Variants in TPO observed in about 807,000 individuals in gnomAD.
TPO encodes thyroid microsomal antigen.
Under a neutral mutation model 96.9 loss-of-function variants are expected in TPO, and 78 were observed. That is an observed-to-expected ratio of 0.81 (90% CI 0.67 to 0.97). The LOEUF is 0.97. TPO is among the 50% of genes least tolerant of loss of function. TPO has a pLI of 0.00. For missense variants in TPO, 1,252 were observed against 1,274.8 expected, an observed-to-expected ratio of 0.98 and a Z score of 0.27; for synonymous variants, 547 against 538.0, an observed-to-expected ratio of 1.02 and a Z score of -0.23.
chr2:1,494,965 A>T (rs1558361199), intron 11 of TPO, among the ~76,000 whole-genome samples: 3 of 152,146 alleles, frequency 2.0e-5, no homozygotes, highest in African/African-American at 2.4e-5. Context: ...TGTCTCCCTT[A>T]TAGCTGTGTC....
At chr2:1,479,143 C>T (rs981193801) in intron 8 of TPO, among the ~76,000 whole-genome samples, 7 of 152,220 alleles carry the variant, frequency 4.6e-5, no homozygotes, top group East Asian at 1.9e-4. Flanking sequence ...AGCTGCTGAG[C>T]GGTGGAATCC....
intron 1 of TPO, among the ~76,000 whole-genome samples, chr2:1,395,006 T>C (rs1246151708): frequency 1.3e-5 from 2 of 148,954 alleles, no homozygotes; most frequent in African/African-American, 2.5e-5. Context: ...TTTATAGCTT[T>C]AGTTGAACAA....
chr2:1,542,292 G>A, intron 16 of TPO, 129 bp from the exon 17 acceptor site: 1 of 1,256,480 alleles, frequency 8.0e-7, no homozygotes, highest in Non-Finnish European at 1.1e-6. Flanking sequence ...AAGAAGGATG[G>A]CTCATCTCGC....
chr2:1,522,658 G>A (rs1675443403), intron 15 of TPO, among the ~76,000 whole-genome samples: 1 of 152,000 alleles, frequency 6.6e-6, no homozygotes, highest in Non-Finnish European at 1.5e-5. Context: ...TCTCAACCTG[G>A]CTTCGAATGT....
At chr2:1,474,559 A>G (rs1558328196) in intron 7 of TPO, among the ~76,000 whole-genome samples, 2 of 152,312 alleles carry the variant, frequency 1.3e-5, no homozygotes, top group Admixed American at 1.3e-4. Context: ...TCCACCGTCA[A>G]TGCCATCTGA....
chr2:1,410,178 T>G (rs1028671476), upstream of TPO, among the ~76,000 whole-genome samples: 46 of 152,236 alleles, frequency 3.0e-4, no homozygotes, highest in African/African-American at 1.0e-3. Context: ...TATATGTTAA[T>G]TAGCTTGATT....
At chr2:1,502,679 C>T (rs947560251) in intron 13 of TPO, among the ~76,000 whole-genome samples, 3 of 152,282 alleles carry the variant, frequency 2.0e-5, no homozygotes, top group South Asian at 2.1e-4. Context: ...CATGAGCCAC[C>T]GGACCCGACT....
At chr2:1,393,922 T>G (rs1260921694) in intron 1 of TPO, among the ~76,000 whole-genome samples, 1 of 152,264 alleles carries the variant, frequency 6.6e-6, no homozygotes, top group Non-Finnish European at 1.5e-5. Flanking sequence ...TTCAATATTT[T>G]AAGTAGACTG....
chr2:1,540,783 G>A (rs1680661617), intron 16 of TPO, 60 bp downstream of exon 16: 1 of 1,612,806 alleles, frequency 6.2e-7, no homozygotes, highest in Admixed American at 1.7e-5. Context: ...CAGGATCTGG[G>A]TGTCGGAGCA....
intron 1 of TPO, among the ~76,000 whole-genome samples, chr2:1,376,960 A>G (rs1048593716): frequency 2.8e-4 from 42 of 152,336 alleles, no homozygotes; most frequent in Admixed American, 5.2e-4. Context: ...GGCTTTACTT[A>G]AAAATTACTT....
chr2:1,514,196 G>A lies in TPO; in HGVS notation c.2519-2687G>A, dbSNP rs146666821. The stretch of plus-strand genomic sequence containing the variant: ...AGCAGAGAGTCAGGAAAAGAGAAGT[G>A]AAGCCCTTTTTCCTCCACTTCCTGC... On this transcript the variant is annotated intron_variant, in intron 14 of 16. Coordinates refer to ENST00000329066, the MANE Select transcript of TPO (RefSeq NM_001206744.2). Among the ~76,000 whole-genome samples, 664 of 152,286 alleles carry A rather than the reference G, an allele frequency of 4.4e-3. 4 individuals are homozygous for A. The highest frequency in any genetic ancestry group is 0.015 in the African/African-American group (605 of 41,556).
intron 15 of TPO, among the ~76,000 whole-genome samples, chr2:1,526,878 G>A (rs1676649126): frequency 8.2e-6 from 1 of 121,442 alleles, no homozygotes; most frequent in Non-Finnish European, 1.6e-5. Flanking sequence ...CTGCTTTGTG[G>A]GCAATGTCAC....
intron 13 of TPO, among the ~76,000 whole-genome samples, chr2:1,497,717 G>T (rs1427959529): frequency 6.6e-6 from 1 of 152,118 alleles, no homozygotes; most frequent in East Asian, 1.9e-4. Flanking sequence ...CTGCATTTTA[G>T]GAGAGGAAAG....
chr2:1,469,041 A>G (rs1669145076), intron 7 of TPO, among the ~76,000 whole-genome samples: 1 of 152,104 alleles, frequency 6.6e-6, no homozygotes, highest in Admixed American at 6.6e-5. Flanking sequence ...AGTGTGTCCA[A>G]TGTTTCCTGA....
At chr2:1,523,307 G>T (rs191601857) in intron 15 of TPO, among the ~76,000 whole-genome samples, 31 of 20,024 alleles carry the variant, frequency 1.5e-3, no homozygotes, top group Admixed American at 2.4e-3. Context: ...TCCCCCCACT[G>T]TGAGCAACCT....
intron 15 of TPO, among the ~76,000 whole-genome samples, chr2:1,530,531 A>AC (rs200370185): frequency 7.6e-5 from 3 of 39,410 alleles, no homozygotes; most frequent in Non-Finnish European, 1.3e-4. Flanking sequence ...ACTCTGTGCA[A>AC]CCCCCCCAAA....
At chr2:1,384,290 A>G (rs1417685506) in intron 1 of TPO, among the ~76,000 whole-genome samples, 1 of 152,142 alleles carries the variant, frequency 6.6e-6, no homozygotes, top group Non-Finnish European at 1.5e-5. Context: ...GAATCTATAA[A>G]TTACCTTGGG....
chr2:1,531,951 T>C (rs1467388792), intron 15 of TPO, among the ~76,000 whole-genome samples: 2 of 77,248 alleles, frequency 2.6e-5, no homozygotes, highest in Middle Eastern at 9.6e-3. Context: ...ATCCCCCCAC[T>C]GCGAGCAACC....
intron 13 of TPO, chr2:1,503,653 C>A: frequency 3.5e-6 from 2 of 563,968 alleles, no homozygotes; most frequent in South Asian, 1.7e-5. Context: ...ATTCCACATT[C>A]CCAGGCAGAC....
Sources: allele counts gnomAD v4.1 joint callset (sites outside exome capture counted in the v4.1 genomes callset), GRCh38; gene constraint gnomAD v4.1.1; transcripts MANE v1.5; gene names NCBI Gene and HGNC (gene_info 2026-07-23, HGNC 2026-07-21).